The following CDC42BPA variants were observed in gnomAD, a reference collection of about 807,000 sequenced individuals.
CDC42BPA encodes the protein CDC42 binding protein kinase alpha.
In CDC42BPA, 80 loss-of-function variants were observed where a neutral mutation model predicts 223.5. That is an observed-to-expected ratio of 0.36 (90% CI 0.30 to 0.43). The LOEUF (loss-of-function observed/expected upper bound fraction) is 0.43, where lower values mean the gene tolerates loss of function less well. Among genes scored for constraint, CDC42BPA ranks in the 20% least tolerant of loss-of-function variants. The pLI, the probability that CDC42BPA is intolerant of heterozygous loss-of-function variation, is 1.00. For synonymous variants in CDC42BPA, 694 were observed against 718.6 expected (o/e 0.97, Z 0.55); for missense variants, 1,743 against 2,099.9 (o/e 0.83, Z 3.32).
At chr1:227,305,809 T>TA (rs1234582317) in intron 1 of CDC42BPA, among the ~76,000 whole-genome samples, 1 of 151,122 alleles carries the variant, frequency 6.6e-6, no homozygotes, top group Non-Finnish European at 1.5e-5. Context: ...CTACTAAAAA[T>TA]ACAAAAATTG....
At chr1:227,189,886 G>A (rs1297492106) in intron 5 of CDC42BPA, among the ~76,000 whole-genome samples, 1 of 152,052 alleles carries the variant, frequency 6.6e-6, no homozygotes, top group Non-Finnish European at 1.5e-5. Flanking sequence ...TTAAGTTCAT[G>A]AATTATAACA....
chr1:227,064,863 C>G (rs767093137), intron 21 of CDC42BPA, among the ~76,000 whole-genome samples: 1 of 151,978 alleles, frequency 6.6e-6, no homozygotes, highest in African/African-American at 2.4e-5. Flanking sequence ...TTTGGGAGGC[C>G]GAGGTGGGCA....
At chr1:226,999,137 G>C (rs1371639917) in intron 35 of CDC42BPA, among the ~76,000 whole-genome samples, 3 of 151,352 alleles carry the variant, frequency 2.0e-5, no homozygotes, top group Non-Finnish European at 4.4e-5. Flanking sequence ...TAAAAAATCA[G>C]GAAACAACAG....
At chr1:227,027,537 T>A (rs1322948249) in intron 30 of CDC42BPA, among the ~76,000 whole-genome samples, 1 of 152,182 alleles carries the variant, frequency 6.6e-6, no homozygotes, top group South Asian at 2.1e-4. Flanking sequence ...TCCCTAGGGT[T>A]TTTTTTCCCT....
chr1:227,285,997 T>C (rs1688744657), intron 1 of CDC42BPA, among the ~76,000 whole-genome samples: 1 of 152,192 alleles, frequency 6.6e-6, no homozygotes, highest in Admixed American at 6.5e-5. Flanking sequence ...GAGCCTATAA[T>C]GGGAAGGACA....
At chr1:227,242,387 A>G (rs966611113) in intron 2 of CDC42BPA, among the ~76,000 whole-genome samples, 1 of 152,096 alleles carries the variant, frequency 6.6e-6, no homozygotes, top group Non-Finnish European at 1.5e-5. Context: ...CTTAAATTCA[A>G]CATTTTATTA....
At chr1:227,181,559 G>T (rs1667938483) in intron 5 of CDC42BPA, among the ~76,000 whole-genome samples, 1 of 151,982 alleles carries the variant, frequency 6.6e-6, no homozygotes, top group Non-Finnish European at 1.5e-5. Flanking sequence ...ATTTTATATG[G>T]AGACGTAAAA....
chr1:227,225,265 C>A (rs942046430), intron 2 of CDC42BPA, among the ~76,000 whole-genome samples: 1 of 152,094 alleles, frequency 6.6e-6, no homozygotes, highest in Non-Finnish European at 1.5e-5. Flanking sequence ...GTACCTCTCC[C>A]CCTTGCTGAT....
chr1:227,294,320 T>C (rs772733588), intron 1 of CDC42BPA, among the ~76,000 whole-genome samples: 2 of 152,088 alleles, frequency 1.3e-5, no homozygotes, highest in Admixed American at 6.6e-5. Flanking sequence ...ATTTATTTAA[T>C]GAAATAATAA....
chr1:227,018,628 T>C (rs1244015221), intron 32 of CDC42BPA, among the ~76,000 whole-genome samples: 1 of 152,076 alleles, frequency 6.6e-6, no homozygotes, highest in African/African-American at 2.4e-5. Flanking sequence ...GTGGAGCCAA[T>C]CTTATACAAA....
chr1:227,255,401 C>T (rs909487616), intron 1 of CDC42BPA, among the ~76,000 whole-genome samples: 1 of 152,030 alleles, frequency 6.6e-6, no homozygotes, highest in African/African-American at 2.4e-5. Flanking sequence ...ACTGCTTAGT[C>T]AAGTCCACTA....
intron 3 of CDC42BPA, among the ~76,000 whole-genome samples, chr1:227,211,988 G>A (rs1294222313): frequency 2.0e-5 from 3 of 152,002 alleles, no homozygotes; most frequent in African/African-American, 4.8e-5. Flanking sequence ...GAGAAAGGAT[G>A]GACTTGGGTG....
At position 227,317,194 on chromosome 1, in the gene CDC42BPA, T is replaced by C. The variant is rs761391783; in HGVS notation, c.-12A>G. The stretch of plus-strand genomic sequence containing the variant: ...ACTTCTCCAGACATGTTTGCTTCGA[T>C]TTCTGCTGGTTTTCCTTTAAATTAT... On this transcript the variant is annotated 5_prime_UTR_variant, in exon 1 of 37. Transcript: ENST00000366766. 6.3e-7 allele frequency: 1 copy of C among 1,592,806 alleles called. No individual in the cohort carries two copies. Among genetic ancestry groups the C allele is most frequent in the Non-Finnish European group, 8.5e-7 (1 of 1,170,688 alleles).
At chr1:227,253,189 G>C (rs1682335635) in intron 2 of CDC42BPA, among the ~76,000 whole-genome samples, 1 of 152,088 alleles carries the variant, frequency 6.6e-6, no homozygotes, top group Non-Finnish European at 1.5e-5. Context: ...AAAAGAGAGA[G>C]AGAGAGGAGA....
At chr1:227,207,748 C>T (rs1673062897) in intron 3 of CDC42BPA, among the ~76,000 whole-genome samples, 1 of 146,370 alleles carries the variant, frequency 6.8e-6, no homozygotes, top group African/African-American at 2.5e-5. Flanking sequence ...GCCACATTTT[C>T]TTAATCCAGT....
At chr1:227,018,792 T>C (rs535657682) in intron 32 of CDC42BPA, among the ~76,000 whole-genome samples, 3 of 152,260 alleles carry the variant, frequency 2.0e-5, no homozygotes, top group Non-Finnish European at 4.4e-5. Flanking sequence ...TACATTATAC[T>C]GTAGTCTGTT....
intron 1 of CDC42BPA, among the ~76,000 whole-genome samples, chr1:227,275,583 T>TTCCCAC (rs1463331095): frequency 1.5e-3 from 224 of 150,102 alleles, no homozygotes; most frequent in Non-Finnish European, 2.6e-3. Flanking sequence ...TGAAAAAATG[T>TTCCCAC]TCCCCCTCCC....
intron 32 of CDC42BPA, among the ~76,000 whole-genome samples, chr1:227,022,544 C>A (rs1572308108): frequency 3.3e-5 from 5 of 152,272 alleles, no homozygotes; most frequent in Admixed American, 3.3e-4. Flanking sequence ...TAGAAATTTG[C>A]TGCTATGACA....
At chr1:227,027,414 T>C (rs1206710927) in intron 30 of CDC42BPA, among the ~76,000 whole-genome samples, 2 of 151,848 alleles carry the variant, frequency 1.3e-5, no homozygotes, top group Non-Finnish European at 2.9e-5. Flanking sequence ...AATGAAGAGG[T>C]TTTACTCCTC....
Sources: allele counts gnomAD v4.1 joint callset (sites outside exome capture counted in the v4.1 genomes callset), GRCh38; gene constraint gnomAD v4.1.1; transcripts MANE v1.5; gene names NCBI Gene and HGNC (gene_info 2026-07-23, HGNC 2026-07-21).